ANKS1A: variants seen among roughly 807,000 people sequenced by gnomAD.
ANKS1A encodes ankyrin repeat and SAM domain-containing protein 1A.
In ANKS1A, 55 loss-of-function variants were observed where a neutral mutation model predicts 120.3. The observed-to-expected ratio is 0.46, with a 90% CI of 0.37 to 0.57. ANKS1A has a LOEUF of 0.57. Among genes scored for constraint, ANKS1A ranks in the 20% least tolerant of loss-of-function variants. The pLI is 0.00. For missense variants in ANKS1A, 1,123 were observed against 1,480.3 expected (o/e 0.76, Z 3.96); for synonymous variants, 590 against 604.7 (o/e 0.98, Z 0.36).
chr6:34,996,889 G>A (rs1179098818), intron 10 of ANKS1A, among the ~76,000 whole-genome samples: 1 of 152,136 alleles, frequency 6.6e-6, no homozygotes, highest in Non-Finnish European at 1.5e-5. Context: ...AAGTTTCATT[G>A]TTTTACAAAT....
At chr6:35,091,815 T>C (rs1778316134), downstream of ANKS1A, among the ~76,000 whole-genome samples, 1 of 152,180 alleles carries the variant, frequency 6.6e-6, no homozygotes, top group Non-Finnish European at 1.5e-5. Flanking sequence ...AGGAACTTGC[T>C]TGGATTGCAG....
chr6:34,956,591 C>T (rs1472773583), intron 1 of ANKS1A, among the ~76,000 whole-genome samples: 1 of 152,194 alleles, frequency 6.6e-6, no homozygotes, highest in Non-Finnish European at 1.5e-5. Flanking sequence ...ATCTGTTGAA[C>T]TTTTCTGTGG....
intron 17 of ANKS1A, 118 bp downstream of exon 17, chr6:35,081,276 C>G: frequency 7.5e-7 from 1 of 1,339,368 alleles, no homozygotes; most frequent in South Asian, 1.5e-5. Context: ...GCACCAGAGT[C>G]AGGAGGCACT....
intron 2 of ANKS1A, among the ~76,000 whole-genome samples, chr6:34,968,587 G>C (rs940399739): frequency 9.9e-5 from 15 of 151,888 alleles, no homozygotes. Context: ...ACAGGCGCCC[G>C]CCACCACACC....
chr6:34,922,611 A>C (rs1768493624), intron 1 of ANKS1A, among the ~76,000 whole-genome samples: 2 of 151,782 alleles, frequency 1.3e-5, no homozygotes, highest in South Asian at 4.2e-4. Context: ...ACGATGAGAT[A>C]GGTTCTGCTG....
At chr6:34,964,663 T>C (rs1381573231) in intron 1 of ANKS1A, among the ~76,000 whole-genome samples, 2 of 152,240 alleles carry the variant, frequency 1.3e-5, no homozygotes, top group African/African-American at 2.4e-5. Context: ...ATTAAGTTTT[T>C]AGTTTTTAAC....
chr6:34,943,768 TC>T (rs767454521), intron 1 of ANKS1A, among the ~76,000 whole-genome samples: 1 of 152,250 alleles, frequency 6.6e-6, no homozygotes, highest in Non-Finnish European at 1.5e-5. Flanking sequence ...ATACTTTATT[TC>T]TTTTTATTCC....
chr6:35,041,714 TC>T (rs1404831673), intron 11 of ANKS1A, among the ~76,000 whole-genome samples: 1 of 152,034 alleles, frequency 6.6e-6, no homozygotes, highest in African/African-American at 2.4e-5. Context: ...TTCTCAGGAG[TC>T]CTCACACTAC....
At chr6:35,038,253 C>T (rs1455884825) in intron 11 of ANKS1A, 1 of 456,542 alleles carries the variant, frequency 2.2e-6, no homozygotes, top group Non-Finnish European at 4.4e-6. Context: ...TGCCTGGCCT[C>T]CTTGTGGGTG....
chr6:35,053,285 G>T lies in ANKS1A; in HGVS notation c.2011-814G>T, dbSNP rs571047853. ...TGGCTGCTCCCCACTGCCTAGTTCT[G>T]CCCCTGGCCAGGTTTCCTGGGGAAG... On this transcript the variant is annotated intron_variant, in intron 11 of 23. Coordinates refer to ENST00000360359, the MANE Select transcript of ANKS1A (RefSeq NM_015245.3). 2.0e-4 allele frequency among the ~76,000 whole-genome samples: 30 copies of T among 152,384 alleles called. No individual in the cohort carries two copies. In the South Asian group the frequency reaches 5.4e-3, roughly 27 times the overall value.
intron 8 of ANKS1A, among the ~76,000 whole-genome samples, chr6:34,985,566 T>C (rs1377000329): frequency 6.6e-6 from 1 of 152,224 alleles, no homozygotes; most frequent in Non-Finnish European, 1.5e-5. Context: ...AACATCTTAT[T>C]TCTATTTAGC....
chr6:35,090,321 GA>G lies in ANKS1A; in HGVS notation c.*1713del. The G allele has an allele frequency of 3.9e-6, 5 of 1,287,630 alleles. No homozygotes were observed. The highest frequency in any genetic ancestry group is 5.1e-6 in the Non-Finnish European group (5 of 987,428). The allele number at this position is 1,287,630 out of a possible 1,614,324, so 79.8% of individuals were successfully genotyped here. A position where few individuals can be genotyped will look rare whatever the true frequency, so the allele number is the denominator to read the frequency against. ...CAGGAACCCTAAAGCATCCAGAGTA[GA>G]CTGCGCTGCCACTGCGCACATGCTG... On this transcript the variant is annotated 3_prime_UTR_variant, in exon 24 of 24. Transcript: ENST00000360359.
Position 35,017,824 on chromosome 6 carries a change from CTGG to C in ANKS1A, c.1781_1783del (p.Gly594del). 6.2e-7 allele frequency: 1 copy of C among 1,614,216 alleles called. No homozygotes were observed. Among genetic ancestry groups the C allele is most frequent in the Non-Finnish European group, 8.5e-7 (1 of 1,180,028 alleles). ...TTGACTCACACAGCATCTCCGCACC[CTGG>C]TGGTGCTGAGGAAGGAGACCGGAGT... On this transcript the variant is annotated inframe_deletion, in exon 11 of 24. Transcript: ENST00000360359.
chr6:35,029,705 A>G (rs1266129555), intron 11 of ANKS1A, among the ~76,000 whole-genome samples: 4 of 149,082 alleles, frequency 2.7e-5, no homozygotes, highest in Middle Eastern at 3.6e-3. Flanking sequence ...AAGATTACAA[A>G]TATATGTATA....
chr6:34,971,443 G>A (rs1316775946), intron 3 of ANKS1A, among the ~76,000 whole-genome samples: 2 of 152,192 alleles, frequency 1.3e-5, no homozygotes, highest in Non-Finnish European at 2.9e-5. Flanking sequence ...GTTGGAAGTT[G>A]TGTGCAAGTT....
intron 13 of ANKS1A, among the ~76,000 whole-genome samples, chr6:35,068,305 C>T (rs1470145567): frequency 2.0e-5 from 3 of 152,154 alleles, no homozygotes; most frequent in Admixed American, 6.5e-5. Flanking sequence ...TTCTTAGAGA[C>T]AGCGTCAGTG....
Position 35,085,919 on chromosome 6 carries a change from G to A in ANKS1A, c.3286G>A (p.Gly1096Ser), listed in dbSNP as rs755466399. 14 of 1,608,446 alleles carry A rather than the reference G, an allele frequency of 8.7e-6. No homozygotes were observed. Among genetic ancestry groups the A allele is most frequent in the African/African-American group, 1.3e-5 (1 of 74,778 alleles). The change falls in exon 22 of 24, where the codon GGC becomes AGC. Residue 1096 changes from glycine to serine, a missense_variant. This residue lies in a region of ANKS1A where 904 missense variants were observed against 1,130.4 expected (regional missense o/e 0.80). Coordinates refer to ENST00000360359, the MANE Select transcript of ANKS1A (RefSeq NM_015245.3). The surrounding 1 kb of genome is among the most constrained non-coding windows in gnomAD (Gnocchi z 4.7). ...SSKPVPKPRV[G>S]VRKSALEPPD... is the part of the protein sequence containing the mutation. ...CAAACCGGTGCCTAAGCCTCGGGTC[G>A]GCGTGAGGAAATCCGCAGTACGTGG...
chr6:34,912,131 C>A (rs746818581), intron 1 of ANKS1A, among the ~76,000 whole-genome samples: 1 of 152,138 alleles, frequency 6.6e-6, no homozygotes, highest in Non-Finnish European at 1.5e-5. Context: ...TAATCTGACA[C>A]CTTGAATGAT....
At chr6:34,994,171 A>C in intron 9 of ANKS1A, 131 bp from the exon 10 acceptor site, 1 of 1,221,204 alleles carries the variant, frequency 8.2e-7, no homozygotes, top group Non-Finnish European at 1.1e-6. Context: ...GTGACACTTG[A>C]ATTATTCACC....
Sources: gnomAD v4.1 joint callset for allele counts (sites outside exome capture counted in the v4.1 genomes callset) on GRCh38, gnomAD v4.1.1 for gene constraint, gnomAD v4.1.1 regional missense constraint, Gnocchi (gnomAD v3.1) non-coding constraint, MANE v1.5 for transcripts, NCBI Gene and HGNC (gene_info 2026-07-23, HGNC 2026-07-21) for gene names.